The following WDR70 variants were observed in gnomAD, a reference collection of about 807,000 sequenced individuals.
The protein encoded by WDR70 is WD repeat-containing protein 70.
WDR70 carries 53 observed loss-of-function variants against 88.6 expected under a neutral mutation model. The ratio of observed to expected loss-of-function variants is 0.60; its 90% CI spans 0.48 to 0.75. The LOEUF is 0.75. Among genes scored for constraint, WDR70 ranks in the 30% least tolerant of loss-of-function variants. The pLI is 0.00. For synonymous variants in WDR70, 280 were observed against 270.0 expected (o/e 1.04, Z -0.36); for missense variants, 610 against 823.2 (o/e 0.74, Z 3.17).
intron 3 of WDR70, among the ~76,000 whole-genome samples, chr5:37,383,028 A>G (rs1445002780): frequency 6.6e-6 from 1 of 152,000 alleles, no homozygotes; most frequent in African/African-American, 2.4e-5. Flanking sequence ...TAAAAAAAAT[A>G]AAATAAAATA....
chr5:37,543,847 C>T (rs1353463891), intron 9 of WDR70, among the ~76,000 whole-genome samples: 1 of 152,218 alleles, frequency 6.6e-6, no homozygotes, highest in Non-Finnish European at 1.5e-5. Flanking sequence ...CAGCTCACTA[C>T]AACCTCCGCC....
At position 37,478,005 on chromosome 5, in the gene WDR70, C is replaced by T. The variant is rs556477421; in HGVS notation, c.687-1829C>T. Among the ~76,000 whole-genome samples the T allele has an allele frequency of 2.5e-4, 38 of 152,310 alleles. No individual in the cohort carries two copies. In the South Asian group the frequency reaches 7.5e-3, roughly 30 times the overall value. On this transcript the variant is annotated intron_variant, in intron 7 of 17. Coordinates refer to ENST00000265107, the MANE Select transcript of WDR70 (RefSeq NM_018034.4). ...GCTATTGTTAGTTGGATGTGACTGT[C>T]AGCTGCTTTCAGTCCTCCTTAATAG... is the stretch of plus-strand genomic sequence containing the variant.
At chr5:37,519,537 G>A (rs1264393935) in intron 9 of WDR70, among the ~76,000 whole-genome samples, 41 of 149,018 alleles carry the variant, frequency 2.8e-4, no homozygotes, top group Admixed American at 4.7e-4. Flanking sequence ...CAGACGGGGC[G>A]GCGGGGCGGA....
chr5:37,385,753 A>G (rs1337613233), intron 3 of WDR70, among the ~76,000 whole-genome samples: 1 of 151,934 alleles, frequency 6.6e-6, no homozygotes, highest in Non-Finnish European at 1.5e-5. Flanking sequence ...CACTTAGGAA[A>G]TTCCAAGGGT....
At chr5:37,455,265 G>C (rs1384869990) in intron 7 of WDR70, among the ~76,000 whole-genome samples, 1 of 140,654 alleles carries the variant, frequency 7.1e-6, no homozygotes, top group Non-Finnish European at 1.5e-5. Flanking sequence ...TTTTTTTTGA[G>C]GTAGAGTCTA....
intron 10 of WDR70, among the ~76,000 whole-genome samples, chr5:37,696,276 C>A (rs889303428): frequency 1.3e-5 from 2 of 152,104 alleles, no homozygotes; most frequent in African/African-American, 4.8e-5. Flanking sequence ...AAGACTGTTA[C>A]CCAGAGGAAG....
intron 8 of WDR70, among the ~76,000 whole-genome samples, chr5:37,499,478 T>C (rs1209996790): frequency 1.3e-5 from 2 of 151,942 alleles, no homozygotes; most frequent in Non-Finnish European, 2.9e-5. Context: ...TCTGCTCAGA[T>C]TGGGGAAGAG....
intron 9 of WDR70, among the ~76,000 whole-genome samples, chr5:37,546,850 A>G (rs114456058): frequency 0.014 from 2,108 of 152,154 alleles, 22 homozygotes; most frequent in Non-Finnish European, 0.024. Flanking sequence ...CCTGGGAGGC[A>G]GAGTTGCAGT....
intron 7 of WDR70, among the ~76,000 whole-genome samples, chr5:37,469,797 A>G (rs897174120): frequency 6.6e-6 from 1 of 152,178 alleles, no homozygotes; most frequent in African/African-American, 2.4e-5. Flanking sequence ...TGACCTTTTA[A>G]CAAATCTCTA....
At chr5:37,552,596 CA>C (rs1742177926) in intron 9 of WDR70, among the ~76,000 whole-genome samples, 2 of 151,798 alleles carry the variant, frequency 1.3e-5, no homozygotes, top group Admixed American at 1.3e-4. Flanking sequence ...GAATAAGAGG[CA>C]AAAAAGGGGT....
At chr5:37,747,595 C>A (rs1386400148) in intron 17 of WDR70, among the ~76,000 whole-genome samples, 1 of 152,140 alleles carries the variant, frequency 6.6e-6, no homozygotes, top group African/African-American at 2.4e-5. Context: ...TGATACAAGA[C>A]AAGGATGCCC....
At chr5:37,672,406 G>C (rs185943431) in intron 10 of WDR70, among the ~76,000 whole-genome samples, 1 of 152,074 alleles carries the variant, frequency 6.6e-6, no homozygotes, top group Non-Finnish European at 1.5e-5. Flanking sequence ...CCCTGGGAAC[G>C]AATGTCTAGG....
At chr5:37,751,647 C>T (rs760203948) in intron 17 of WDR70, among the ~76,000 whole-genome samples, 3 of 152,110 alleles carry the variant, frequency 2.0e-5, no homozygotes, top group Non-Finnish European at 2.9e-5. Flanking sequence ...AAATACAAGC[C>T]GAAATATATA....
Position 37,552,301 on chromosome 5 carries a change from A to T in WDR70, c.917+35711A>T, listed in dbSNP as rs542744106. On this transcript the variant is annotated intron_variant, in intron 9 of 17. Transcript: ENST00000265107. ...CTATTACTATCGCGCAAAGCTTGAA[A>T]CATAAATTCAACATCTATCATCTAC... Among the ~76,000 whole-genome samples the T allele has an allele frequency of 3.3e-4, 51 of 152,342 alleles. 1 individual carries two copies. The South Asian group carries it at 0.01, about 31-fold the overall frequency.
intron 9 of WDR70, among the ~76,000 whole-genome samples, chr5:37,591,807 G>T (rs1298752435): frequency 6.6e-6 from 1 of 152,140 alleles, no homozygotes; most frequent in East Asian, 1.9e-4. Flanking sequence ...CAAGCTAACA[G>T]TTTATTGAAA....
At chr5:37,528,907 G>GT (rs140383817) in intron 9 of WDR70, among the ~76,000 whole-genome samples, 9,718 of 130,612 alleles carry the variant, frequency 0.074, 594 homozygotes, top group African/African-American at 0.16. Flanking sequence ...GTCTAGAGGG[G>GT]GTTTTTTTTT....
At chr5:37,706,920 A>G (rs1389846943) in intron 13 of WDR70, among the ~76,000 whole-genome samples, 1 of 151,970 alleles carries the variant, frequency 6.6e-6, no homozygotes, top group Non-Finnish European at 1.5e-5. Flanking sequence ...CTTTTTATGT[A>G]TTATGTAAAG....
intron 7 of WDR70, among the ~76,000 whole-genome samples, chr5:37,456,046 G>A (rs898071698): frequency 4.2e-4 from 14 of 33,090 alleles, no homozygotes; most frequent in East Asian, 0.17. Flanking sequence ...AAGGAATAAA[G>A]CTTCTATAAA....
intron 9 of WDR70, among the ~76,000 whole-genome samples, chr5:37,568,749 T>C (rs909136569): frequency 6.6e-6 from 1 of 152,192 alleles, no homozygotes; most frequent in African/African-American, 2.4e-5. Flanking sequence ...ATTGTAAAAA[T>C]GACTTTGATT....
Sources: allele counts gnomAD v4.1 joint callset (sites outside exome capture counted in the v4.1 genomes callset), GRCh38; gene constraint gnomAD v4.1.1; transcripts MANE v1.5; gene names NCBI Gene and HGNC (gene_info 2026-07-23, HGNC 2026-07-21).